The following SHANK2 variants were observed in gnomAD, a reference collection of about 807,000 sequenced individuals.
SHANK2 encodes SH3 and multiple ankyrin repeat domains protein 2.
A neutral mutation model predicts 133.7 loss-of-function variants in SHANK2; 43 were observed. The observed-to-expected ratio is 0.32, with a 90% CI of 0.25 to 0.41. The LOEUF is 0.41. Among genes scored for constraint, SHANK2 ranks in the 10% least tolerant of loss-of-function variants. The pLI is 1.00. For missense variants in SHANK2, 1,994 were observed against 2,235.8 expected, an observed-to-expected ratio of 0.89 and a Z score of 2.18; for synonymous variants, 1,017 against 952.8, an observed-to-expected ratio of 1.07 and a Z score of -1.24.
chr11:70,806,112 C>A (rs782594743), intron 13 of SHANK2, among the ~76,000 whole-genome samples: 1 of 152,202 alleles, frequency 6.6e-6, no homozygotes, highest in African/African-American at 2.4e-5. Flanking sequence ...CTGGGGAAGG[C>A]GGGATTTGAA....
intron 17 of SHANK2, among the ~76,000 whole-genome samples, chr11:70,556,864 C>A (rs112240478): frequency 6.6e-6 from 1 of 151,874 alleles, no homozygotes; most frequent in Non-Finnish European, 1.5e-5. Context: ...AGTGAGCCAT[C>A]GCTCCTGGCC....
chr11:70,710,925 G>C (rs1362477649), intron 14 of SHANK2, among the ~76,000 whole-genome samples: 1 of 152,204 alleles, frequency 6.6e-6, no homozygotes, highest in Non-Finnish European at 1.5e-5. Flanking sequence ...GGGGCTGCAG[G>C]TTCCTTCACA....
intron 14 of SHANK2, among the ~76,000 whole-genome samples, chr11:70,785,282 G>T (rs991397350): frequency 1.3e-4 from 20 of 152,312 alleles, no homozygotes; most frequent in African/African-American, 4.1e-4. Context: ...CAGACTTGAG[G>T]AGGCATGAGG....
intron 17 of SHANK2, among the ~76,000 whole-genome samples, chr11:70,564,565 G>C (rs1554981498): frequency 6.6e-6 from 1 of 152,062 alleles, no homozygotes; most frequent in Non-Finnish European, 1.5e-5. Context: ...CAGCCTTCAA[G>C]TATTTTTTCT....
At chr11:71,222,068 C>G (rs532532951) in intron 2 of SHANK2, among the ~76,000 whole-genome samples, 11 of 152,188 alleles carry the variant, frequency 7.2e-5, no homozygotes, top group Middle Eastern at 3.4e-3. Context: ...TTCCCTGCAC[C>G]AGGACCAGCA....
chr11:70,583,272 G>A (rs2060207151), intron 17 of SHANK2, among the ~76,000 whole-genome samples: 1 of 152,162 alleles, frequency 6.6e-6, no homozygotes, highest in African/African-American at 2.4e-5. Context: ...GAGGTGGGAG[G>A]AGGCCTTGCT....
At position 70,556,573 on chromosome 11, in the gene SHANK2, G is replaced by A. The variant is rs1008745167; in HGVS notation, c.2062-53642C>T. On this transcript the variant is annotated intron_variant, in intron 17 of 25. Transcript: ENST00000601538. Reference sequence around the variant, plus strand: ...TGGGACTACAGGGACCCACCGCCATGCCCAGCTAATTTTTTTCTTTTTTTT... The same window carrying A: ...TGGGACTACAGGGACCCACCGCCATACCCAGCTAATTTTTTTCTTTTTTTT... Among the ~76,000 whole-genome samples, 3 of 143,984 alleles carry A rather than the reference G, an allele frequency of 2.1e-5. No individual in the cohort carries two copies. The East Asian group carries it at 6.1e-4, about 29-fold the overall frequency. The allele number at this position is 143,984 out of a possible 152,430, so 94.5% of individuals were successfully genotyped here. A position where few individuals can be genotyped will look rare whatever the true frequency, so the allele number is the denominator to read the frequency against.
At chr11:71,101,061 C>A (rs1221183921) in intron 6 of SHANK2, among the ~76,000 whole-genome samples, 1 of 149,536 alleles carries the variant, frequency 6.7e-6, no homozygotes, top group African/African-American at 2.6e-5. Context: ...CATGAGCAGA[C>A]CCTCATGTAA....
chr11:70,517,014 T>C (rs1157025360), intron 17 of SHANK2, among the ~76,000 whole-genome samples: 4 of 152,034 alleles, frequency 2.6e-5, no homozygotes, highest in Non-Finnish European at 5.9e-5. Flanking sequence ...TGGAGGTTGC[T>C]GTGAGTCCAG....
chr11:71,220,118 A>T (rs1341978753), intron 2 of SHANK2, among the ~76,000 whole-genome samples: 1 of 151,964 alleles, frequency 6.6e-6, no homozygotes, highest in Non-Finnish European at 1.5e-5. Flanking sequence ...TGTGGTCCCA[A>T]CTACTCAGGA....
At chr11:71,133,926 ATTT>A (rs782273886) in intron 3 of SHANK2, among the ~76,000 whole-genome samples, 2 of 144,016 alleles carry the variant, frequency 1.4e-5, no homozygotes, top group Non-Finnish European at 3.0e-5. Context: ...AAAACTATGT[ATTT>A]TTTTTTTTTT....
At chr11:70,876,995 A>C (rs1555071465) in intron 11 of SHANK2, among the ~76,000 whole-genome samples, 1 of 152,198 alleles carries the variant, frequency 6.6e-6, no homozygotes, top group Non-Finnish European at 1.5e-5. Context: ...GTGAGATTCT[A>C]ACAGCTGGAA....
chr11:70,484,204 T>C (rs528882172), intron 25 of SHANK2, among the ~76,000 whole-genome samples: 1 of 152,336 alleles, frequency 6.6e-6, no homozygotes, highest in East Asian at 1.9e-4. Flanking sequence ...TGCTGAGCCC[T>C]GATACGGTTT....
chr11:70,808,976 G>T (rs545841344), intron 12 of SHANK2, among the ~76,000 whole-genome samples: 1 of 152,122 alleles, frequency 6.6e-6, no homozygotes, highest in African/African-American at 2.4e-5. Context: ...CATTGATTTT[G>T]CACAGAGCTA....
At chr11:70,841,584 G>A (rs1948905634) in intron 11 of SHANK2, among the ~76,000 whole-genome samples, 1 of 152,180 alleles carries the variant, frequency 6.6e-6, no homozygotes, top group African/African-American at 2.4e-5. Context: ...TTCCAGGAGG[G>A]TCTCCACCTT....
chr11:71,246,226 G>A lies in SHANK2; in HGVS notation c.-113+6199C>T, dbSNP rs372347725. ...AGGATGCCCTGCACCCCATTCCTTGGGCCCTAAGCCTCCCAGGACCCACCC... is the reference window on the plus strand; with the variant it reads ...AGGATGCCCTGCACCCCATTCCTTGAGCCCTAAGCCTCCCAGGACCCACCC... On this transcript the variant is annotated intron_variant, in intron 1 of 25. Coordinates refer to ENST00000601538, the MANE Select transcript of SHANK2 (RefSeq NM_012309.5). Among the ~76,000 whole-genome samples, 7 of 152,048 alleles carry A rather than the reference G, an allele frequency of 4.6e-5. No individual in the cohort carries two copies. The East Asian group carries it at 1.2e-3, about 25-fold the overall frequency.
intron 15 of SHANK2, among the ~76,000 whole-genome samples, chr11:70,670,954 T>C (rs536246990): frequency 6.6e-6 from 1 of 152,228 alleles, no homozygotes; most frequent in Non-Finnish European, 1.5e-5. Flanking sequence ...CCCAGAGACG[T>C]GCGCTGGCGG....
chr11:70,905,971 CCGGCTAATTTTT>C (rs1207357214), intron 10 of SHANK2, among the ~76,000 whole-genome samples: 1 of 151,992 alleles, frequency 6.6e-6, no homozygotes, highest in African/African-American at 2.4e-5. Flanking sequence ...GCCACCATGC[CCGGCTAATTTTT>C]TGTATTTTTA....
intron 25 of SHANK2, among the ~76,000 whole-genome samples, chr11:70,478,100 A>G (rs545256076): frequency 6.6e-6 from 1 of 152,208 alleles, no homozygotes; most frequent in Non-Finnish European, 1.5e-5. Context: ...CTCTTATTTC[A>G]TCAGTCAGTA....
Sources: gnomAD v4.1 joint callset for allele counts (sites outside exome capture counted in the v4.1 genomes callset) on GRCh38, gnomAD v4.1.1 for gene constraint, MANE v1.5 for transcripts, NCBI Gene and HGNC (gene_info 2026-07-23, HGNC 2026-07-21) for gene names.